STPG2: variants seen among roughly 807,000 people sequenced by gnomAD.
The protein encoded by STPG2 is sperm-tail PG-rich repeat-containing protein 2.
STPG2 carries 56 observed loss-of-function variants against 54.2 expected under a neutral mutation model. That is an observed-to-expected ratio of 1.03 (90% CI 0.83 to 1.29). The LOEUF (loss-of-function observed/expected upper bound fraction) is 1.29, where lower values mean the gene tolerates loss of function less well. Among genes scored for constraint, STPG2 ranks in the 50% most tolerant of loss-of-function variants. STPG2 has a pLI of 0.00. For missense variants in STPG2, 596 were observed against 544.9 expected (o/e 1.09, Z -0.93); for synonymous variants, 200 against 181.8 (o/e 1.10, Z -0.81).
chr4:97,697,718 C>A (rs1723625848), intron 10 of STPG2, among the ~76,000 whole-genome samples: 1 of 152,162 alleles, frequency 6.6e-6, no homozygotes, highest in Admixed American at 6.6e-5. Context: ...CTATGACACC[C>A]ATGCTGAAGG....
At chr4:98,118,380 TAAAAC>T (rs1233739429) in intron 3 of STPG2, among the ~76,000 whole-genome samples, 4 of 152,126 alleles carry the variant, frequency 2.6e-5, no homozygotes, top group Non-Finnish European at 4.4e-5. Context: ...TTACCAATTC[TAAAAC>T]TACTTTCAAT....
chr4:97,807,438 A>G (rs569130638), intron 9 of STPG2, among the ~76,000 whole-genome samples: 57 of 152,158 alleles, frequency 3.7e-4, no homozygotes, highest in Non-Finnish European at 6.9e-4. Flanking sequence ...AATAGACAAC[A>G]GATTCCCAGT....
intron 8 of STPG2, among the ~76,000 whole-genome samples, chr4:97,861,691 A>C (rs1729547089): frequency 6.6e-6 from 1 of 152,206 alleles, no homozygotes; most frequent in African/African-American, 2.4e-5. Context: ...GGTTACCCAC[A>C]AAGAGAAGCC....
Position 97,787,372 on chromosome 4 carries a change from C to T in STPG2, c.1204+53401G>A, listed in dbSNP as rs1034037364. ...GTTGAATTCTGTTAAATGCCTTTTT[C>T]GCCCCTATGCTCATCGGTTTTTATT... is the stretch of plus-strand genomic sequence containing the variant. On this transcript the variant is annotated intron_variant, in intron 9 of 10. Transcript: ENST00000295268. Among the ~76,000 whole-genome samples the T allele has an allele frequency of 2.2e-4, 34 of 152,058 alleles. No individual in the cohort carries two copies. The East Asian group carries it at 2.3e-3, about 10-fold the overall frequency.
chr4:97,810,710 T>A (rs1010080802), intron 9 of STPG2, among the ~76,000 whole-genome samples: 1 of 152,072 alleles, frequency 6.6e-6, no homozygotes, highest in Non-Finnish European at 1.5e-5. Flanking sequence ...AAAGCAAACA[T>A]GCATCTCATA....
chr4:98,070,359 AC>A (rs1340267081), intron 5 of STPG2, among the ~76,000 whole-genome samples: 8 of 152,074 alleles, frequency 5.3e-5, no homozygotes, highest in African/African-American at 2.4e-5. Flanking sequence ...TATTGAAGGA[AC>A]ATACCTCAAA....
chr4:97,654,778 C>T (rs558589963), intron 10 of STPG2, among the ~76,000 whole-genome samples: 3 of 151,656 alleles, frequency 2.0e-5, no homozygotes, highest in Non-Finnish European at 4.4e-5. Flanking sequence ...AAATAAAGTT[C>T]ATCTTAATGT....
chr4:97,889,404 T>C (rs956193182), intron 8 of STPG2, among the ~76,000 whole-genome samples: 4 of 152,180 alleles, frequency 2.6e-5, no homozygotes, highest in Non-Finnish European at 5.9e-5. Context: ...GTAGTCAAGA[T>C]ATGGAATAAA....
chr4:98,053,663 T>C (rs1034726984), intron 5 of STPG2, among the ~76,000 whole-genome samples: 1 of 152,136 alleles, frequency 6.6e-6, no homozygotes, highest in Non-Finnish European at 1.5e-5. Context: ...AGATGACCAA[T>C]AATTTTATCT....
intron 4 of STPG2, among the ~76,000 whole-genome samples, chr4:97,519,290 C>T (rs1242791558): frequency 6.6e-6 from 1 of 151,998 alleles, no homozygotes; most frequent in Non-Finnish European, 1.5e-5. Flanking sequence ...CTTATCATCT[C>T]TGATAAGTGT....
At chr4:97,561,064 C>T (rs1268197163) in intron 10 of STPG2, among the ~76,000 whole-genome samples, 2 of 152,080 alleles carry the variant, frequency 1.3e-5, no homozygotes, top group Non-Finnish European at 1.5e-5. Flanking sequence ...TACAGTCCCA[C>T]CAACAGTGTA....
At chr4:97,527,518 T>G (rs1731309165) in intron 4 of STPG2, among the ~76,000 whole-genome samples, 1 of 152,180 alleles carries the variant, frequency 6.6e-6, no homozygotes, top group Non-Finnish European at 1.5e-5. Flanking sequence ...TACCCAGTAA[T>G]GGGATTGCTG....
At chr4:97,614,562 A>G (rs1349761835) in intron 10 of STPG2, among the ~76,000 whole-genome samples, 1 of 152,090 alleles carries the variant, frequency 6.6e-6, no homozygotes, top group African/African-American at 2.4e-5. Flanking sequence ...AAATGCCTTG[A>G]GCATCCCAAA....
intron 5 of STPG2, among the ~76,000 whole-genome samples, chr4:98,030,746 T>C (rs1037907161): frequency 1.3e-5 from 2 of 152,054 alleles, no homozygotes; most frequent in Non-Finnish European, 2.9e-5. Context: ...CCTACAACTA[T>C]CTGATCTTCA....
intron 10 of STPG2, among the ~76,000 whole-genome samples, chr4:97,685,667 A>C (rs1723164589): frequency 6.6e-6 from 1 of 152,178 alleles, no homozygotes; most frequent in Non-Finnish European, 1.5e-5. Flanking sequence ...ACTCTACAAC[A>C]CAGAGTAAAC....
chr4:97,454,028 G>A (rs1226281727), intron 4 of STPG2, among the ~76,000 whole-genome samples: 1 of 152,024 alleles, frequency 6.6e-6, no homozygotes, highest in African/African-American at 2.4e-5. Flanking sequence ...ATCTGAAGGA[G>A]ACTAAAACTC....
At chr4:97,975,041 C>G (rs1734455665) in intron 6 of STPG2, among the ~76,000 whole-genome samples, 1 of 152,112 alleles carries the variant, frequency 6.6e-6, no homozygotes, top group Non-Finnish European at 1.5e-5. Flanking sequence ...AAGGCAGACT[C>G]AAAAGCTTGA....
intron 8 of STPG2, among the ~76,000 whole-genome samples, chr4:97,936,858 GGGGTT>G (rs1286319034): frequency 2.6e-5 from 4 of 152,054 alleles, no homozygotes; most frequent in Admixed American, 1.3e-4. Flanking sequence ...TATGTGTCTT[GGGGTT>G]GATCTACTCA....
chr4:98,074,646 G>C (rs1294601397), intron 5 of STPG2, among the ~76,000 whole-genome samples: 2 of 152,084 alleles, frequency 1.3e-5, no homozygotes, highest in Non-Finnish European at 2.9e-5. Flanking sequence ...CACTGAACTT[G>C]TCTCCAAGCT....
Sources: allele counts gnomAD v4.1 joint callset (sites outside exome capture counted in the v4.1 genomes callset), GRCh38; gene constraint gnomAD v4.1.1; transcripts MANE v1.5; gene names NCBI Gene and HGNC (gene_info 2026-07-23, HGNC 2026-07-21).